Variants in ZNF721 observed in about 807,000 individuals in gnomAD.
ZNF721 encodes the protein zinc finger protein 721.
In ZNF721, 2 loss-of-function variants were observed where a neutral mutation model predicts 2.4. That is an observed-to-expected ratio of 0.82 (90% CI 0.34 to 2.58). ZNF721 has a LOEUF of 2.58. Ranked by LOEUF, ZNF721 falls within the 30% of genes most tolerant of loss-of-function variation. The pLI, the probability that ZNF721 is intolerant of heterozygous loss-of-function variation, is 0.11. For synonymous variants in ZNF721, 398 were observed against 381.8 expected, an observed-to-expected ratio of 1.04 and a Z score of -0.50; for missense variants, 1,187 against 1,085.5, an observed-to-expected ratio of 1.09 and a Z score of -1.31.
intron 2 of ZNF721, among the ~76,000 whole-genome samples, chr4:468,574 TC>T (rs1436352657): frequency 3.9e-5 from 6 of 152,022 alleles, no homozygotes; most frequent in African/African-American, 1.2e-4. Context: ...CTCAAGGAAA[TC>T]TAATCTTTCC....
intron 2 of ZNF721, among the ~76,000 whole-genome samples, chr4:463,601 A>G (rs962567489): frequency 6.6e-6 from 1 of 152,178 alleles, no homozygotes; most frequent in Non-Finnish European, 1.5e-5. Context: ...TTCATGTCCT[A>G]TGCAGGGACA....
At chr4:479,503 G>A (rs1338679194) in intron 1 of ZNF721, among the ~76,000 whole-genome samples, 4 of 152,206 alleles carry the variant, frequency 2.6e-5, no homozygotes, top group African/African-American at 9.7e-5. Context: ...TGTGGAGGCT[G>A]GAAGCAAAGC....
chr4:473,990 G>A, intron 1 of ZNF721: 1 of 1,506,350 alleles, frequency 6.6e-7, no homozygotes, highest in Non-Finnish European at 9.0e-7. Context: ...CCATTTCTCA[G>A]CTTCAAGGGT....
intron 2 of ZNF721, among the ~76,000 whole-genome samples, chr4:468,083 C>T (rs1387219031): frequency 3.3e-5 from 5 of 151,984 alleles, no homozygotes; most frequent in African/African-American, 1.2e-4. Context: ...ATCGAGACCG[C>T]GGTGAAACCC....
chr4:498,726 C>CTTTTTT (rs1180549953), intron 1 of ZNF721, among the ~76,000 whole-genome samples: 5 of 132,540 alleles, frequency 3.8e-5, no homozygotes, highest in Non-Finnish European at 8.0e-5. Context: ...GTTGAATTTT[C>CTTTTTT]TTTTTTTTTT....
chr4:469,645 AG>A (rs1553867291), intron 2 of ZNF721, among the ~76,000 whole-genome samples: 1 of 152,210 alleles, frequency 6.6e-6, no homozygotes, highest in East Asian at 1.9e-4. Context: ...GAACAAAGCT[AG>A]GGGCATCATA....
intron 2 of ZNF721, among the ~76,000 whole-genome samples, 186 bp from the exon 3 acceptor site, chr4:444,618 A>G (rs1553863964): frequency 6.6e-6 from 1 of 152,240 alleles, no homozygotes; most frequent in Admixed American, 6.5e-5. Flanking sequence ...AAATCTATAA[A>G]TGAGTTAATT....
intron 1 of ZNF721, among the ~76,000 whole-genome samples, chr4:479,018 C>G (rs552271375): frequency 6.6e-6 from 1 of 152,170 alleles, no homozygotes; most frequent in Non-Finnish European, 1.5e-5. Context: ...CTGCCCACCT[C>G]GGCCTCTCAA....
At chr4:487,816 A>G (rs1403446020) in intron 1 of ZNF721, among the ~76,000 whole-genome samples, 2 of 152,190 alleles carry the variant, frequency 1.3e-5, no homozygotes, top group East Asian at 3.9e-4. Context: ...GGGAACCTAA[A>G]GCCAGTTAAC....
intron 1 of ZNF721, among the ~76,000 whole-genome samples, chr4:475,923 C>A (rs1715613597): frequency 6.6e-6 from 1 of 152,178 alleles, no homozygotes. Context: ...ATCTATGCTA[C>A]CATAAATTCC....
At chr4:471,421 G>C (rs1715428713) in intron 2 of ZNF721, among the ~76,000 whole-genome samples, 1 of 152,094 alleles carries the variant, frequency 6.6e-6, no homozygotes, top group East Asian at 1.9e-4. Context: ...TAGACTTGGA[G>C]GACATGATGC....
intron 1 of ZNF721, among the ~76,000 whole-genome samples, chr4:493,356 A>AC (rs1287539626): frequency 1.3e-5 from 2 of 152,180 alleles, no homozygotes; most frequent in East Asian, 3.8e-4. Context: ...CCTGTGTACT[A>AC]CACTGCCTAA....
intron 2 of ZNF721, among the ~76,000 whole-genome samples, chr4:448,195 T>G (rs149211898): frequency 2.0e-3 from 307 of 152,190 alleles, no homozygotes; most frequent in African/African-American, 7.1e-3. Flanking sequence ...AAAATTCAAA[T>G]TTTACAGATT....
At chr4:472,253 G>T (rs1475195679) in intron 2 of ZNF721, among the ~76,000 whole-genome samples, 1 of 152,148 alleles carries the variant, frequency 6.6e-6, no homozygotes, top group Non-Finnish European at 1.5e-5. Flanking sequence ...GTAGAGACAG[G>T]GTTTTGCCAT....
In ZNF721 at chr4:468,343, T is replaced by A. The variant is rs556589216; in HGVS notation, c.34+4232A>T. Among the ~76,000 whole-genome samples, 349 of 151,054 alleles carry A rather than the reference T, an allele frequency of 2.3e-3. 2 individuals carry two copies. Among genetic ancestry groups the A allele is most frequent in the African/African-American group, 8.2e-3 (338 of 41,104 alleles). On this transcript the variant is annotated intron_variant, in intron 2 of 2. Coordinates refer to ENST00000511833, the MANE Select transcript of ZNF721 (RefSeq NM_133474.4). ...TAGTTGGGAGGCTGAGGCAGGAGAATCGCTTGAACCTGGGAGGCGGAGGTT... is the reference window on the plus strand; with the variant it reads ...TAGTTGGGAGGCTGAGGCAGGAGAAACGCTTGAACCTGGGAGGCGGAGGTT...
At chr4:458,504 T>A (rs544345397) in intron 2 of ZNF721, among the ~76,000 whole-genome samples, 54 of 152,104 alleles carry the variant, frequency 3.6e-4, no homozygotes, top group African/African-American at 1.0e-3. Flanking sequence ...CAGGCAAACA[T>A]AACACCACTA....
At chr4:473,712 T>C (rs1715536352) in intron 1 of ZNF721, among the ~76,000 whole-genome samples, 1 of 152,092 alleles carries the variant, frequency 6.6e-6, no homozygotes, top group Non-Finnish European at 1.5e-5. Flanking sequence ...GCACCTGGCG[T>C]CTTCCCGATG....
chr4:494,946 G>T (rs1307940917), intron 1 of ZNF721, among the ~76,000 whole-genome samples: 1 of 148,766 alleles, frequency 6.7e-6, no homozygotes, highest in Non-Finnish European at 1.5e-5. Context: ...CTGGAGTGCA[G>T]TGGCGCCATC....
intron 1 of ZNF721, among the ~76,000 whole-genome samples, chr4:487,153 T>A (rs1296595306): frequency 1.3e-5 from 2 of 152,348 alleles, no homozygotes; most frequent in East Asian, 3.9e-4. Context: ...ATTGTATTCA[T>A]GTCCTTGGAA....
Sources: allele counts gnomAD v4.1 joint callset (sites outside exome capture counted in the v4.1 genomes callset), GRCh38; gene constraint gnomAD v4.1.1; transcripts MANE v1.5; gene names NCBI Gene and HGNC (gene_info 2026-07-23, HGNC 2026-07-21).